NECTIN3: variants seen among roughly 807,000 people sequenced by gnomAD.
The protein encoded by NECTIN3 is nectin-3.
Under a neutral mutation model 49.4 loss-of-function variants are expected in NECTIN3, and 8 were observed. The observed-to-expected ratio is 0.16, with a 90% CI of 0.10 to 0.29. The LOEUF (loss-of-function observed/expected upper bound fraction) is 0.29. Among genes scored for constraint, NECTIN3 ranks in the 10% least tolerant of loss-of-function variants. The pLI, the probability that NECTIN3 is intolerant of heterozygous loss-of-function variation, is 1.00. For synonymous variants in NECTIN3, 277 were observed against 241.1 expected, an observed-to-expected ratio of 1.15 and a Z score of -1.38; for missense variants, 581 against 654.6, an observed-to-expected ratio of 0.89 and a Z score of 1.23.
At chr3:111,190,277 G>C (rs1172652432), upstream of NECTIN3, among the ~76,000 whole-genome samples, 2 of 152,180 alleles carry the variant, frequency 1.3e-5, no homozygotes, top group Non-Finnish European at 2.9e-5. Flanking sequence ...ACTTTGACAG[G>C]AGGAGTGAAC....
chr3:111,126,228 C>T lies in NECTIN3; in HGVS notation c.962C>T (p.Thr321Ile), dbSNP rs760903476. 1.2e-6 allele frequency: 2 copies of T among 1,608,770 alleles called. No homozygotes were observed. Among genetic ancestry groups the T allele is most frequent in the Non-Finnish European group, 8.5e-7 (1 of 1,178,316 alleles). ...GATGGTTTATTGGCTTCAGACAATA[C>T]TCTTCATTTTGTCCATCCATTGACT... ...WPDGLLASDN[T>I]LHFVHPLTFN... Residue 321 changes from threonine to isoleucine, a missense_variant, in exon 5 of 6, where the codon ACT (threonine) becomes ATT (isoleucine). By Grantham distance (89) the Thr-to-Ile change is moderately conservative. Around this residue, in one of 3 missense-constraint regions of NECTIN3, gnomAD observed 234 missense variants for 340.6 expected, o/e 0.69. Coordinates refer to ENST00000485303, the MANE Select transcript of NECTIN3 (RefSeq NM_015480.3).
chr3:111,071,918 C>T lies in NECTIN3; in HGVS notation c.-100C>T. ...GCGCTAGAGCTGGGAGCTGGGGACG[C>T]GCGCGCCGGACCTTCCACAGCCTCC... On this transcript the variant is annotated 5_prime_UTR_variant, in exon 1 of 6. Coordinates refer to ENST00000485303, the MANE Select transcript of NECTIN3 (RefSeq NM_015480.3). 1.3e-6 allele frequency: 1 copy of T among 782,020 alleles called. No homozygotes were observed. 48.4% of individuals were successfully genotyped at this position (782,020 alleles called of 1,614,324 possible). A position where few individuals can be genotyped will look rare whatever the true frequency, so the allele number is the denominator to read the frequency against.
At chr3:111,158,795 A>T (rs914469787) in intron 7 of NECTIN3, among the ~76,000 whole-genome samples, 14 of 152,326 alleles carry the variant, frequency 9.2e-5, no homozygotes, top group Admixed American at 8.5e-4. Context: ...CACCATTAAG[A>T]AAGCAAAGGC....
chr3:111,178,167 A>G (rs2035564850), intron 7 of NECTIN3, among the ~76,000 whole-genome samples: 1 of 152,218 alleles, frequency 6.6e-6, no homozygotes, highest in African/African-American at 2.4e-5. Flanking sequence ...CATTTTCAAC[A>G]ACTAAGCTGT....
Position 111,164,803 on chromosome 3 carries a change from C to G in NECTIN3, c.1221+17319C>G, listed in dbSNP as rs79204950. Among the ~76,000 whole-genome samples the G allele has an allele frequency of 0.021, 3,219 of 152,204 alleles. 175 individuals carry two copies. The East Asian group carries it at 0.22, about 11-fold the overall frequency. Reference sequence around the variant, plus strand: ...AACTTGATGACATTGGCAAAAATTCCCTGTTTCTAAATAAGGCCACATTCA... The same window carrying G: ...AACTTGATGACATTGGCAAAAATTCGCTGTTTCTAAATAAGGCCACATTCA... On this transcript the variant is annotated intron_variant, in intron 7 of 8. Coordinates refer to the NECTIN3 transcript ENST00000493615.
At chr3:111,139,761 C>A (rs867201041), downstream of NECTIN3, among the ~76,000 whole-genome samples, 7 of 151,764 alleles carry the variant, frequency 4.6e-5, no homozygotes, top group South Asian at 1.2e-3. Flanking sequence ...TTTAAGTGTA[C>A]CTCCCAGTTC....
At chr3:111,151,890 T>C (rs961430067) in intron 7 of NECTIN3, among the ~76,000 whole-genome samples, 2 of 151,804 alleles carry the variant, frequency 1.3e-5, no homozygotes, top group African/African-American at 4.8e-5. Context: ...TACCCCCATC[T>C]ACAGATAACC....
intron 1 of NECTIN3, among the ~76,000 whole-genome samples, chr3:111,105,900 G>T (rs1044212188): frequency 6.6e-6 from 1 of 151,108 alleles, no homozygotes; most frequent in Non-Finnish European, 1.5e-5. Flanking sequence ...GTAAGGTGTC[G>T]TCTCTATTCT....
chr3:111,073,984 T>C (rs2030990356), intron 1 of NECTIN3, among the ~76,000 whole-genome samples: 1 of 150,978 alleles, frequency 6.6e-6, no homozygotes. Flanking sequence ...ACTTAAGCAG[T>C]GTAGGCAAAT....
chr3:111,106,729 G>A (rs2033197146), intron 1 of NECTIN3, among the ~76,000 whole-genome samples: 1 of 152,092 alleles, frequency 6.6e-6, no homozygotes, highest in South Asian at 2.1e-4. Flanking sequence ...TATTTTATTA[G>A]TTGCCTCTAA....
chr3:111,188,767 A>G (rs1013489365), upstream of NECTIN3, among the ~76,000 whole-genome samples: 1 of 152,180 alleles, frequency 6.6e-6, no homozygotes, highest in East Asian at 1.9e-4. Context: ...TACCACATTT[A>G]ATAGGTGATG....
rs968408090 is a variant in NECTIN3, at chr3:111,072,078, T to C, written c.61T>C (p.Ser21Pro). ...TGGAGGCGGCAAAGCACAACTTTCC[T>C]CCGCTTCTCTCCTCGGAGCCGGGCT... ...CPGGGKAQLS[S>P]ASLLGAGLLL... Residue 21 changes from serine to proline, a missense_variant, in exon 1 of 6, where the codon TCC becomes CCC. By Grantham distance (74) the Ser-to-Pro change is moderately conservative. Transcript: ENST00000485303. 7.1e-6 allele frequency: 11 copies of C among 1,549,268 alleles called. No homozygotes were observed. The Admixed American group carries it at 1.8e-4, about 25-fold the overall frequency.
chr3:111,123,420 G>A (rs892593185), intron 4 of NECTIN3, among the ~76,000 whole-genome samples: 2 of 152,078 alleles, frequency 1.3e-5, no homozygotes, highest in South Asian at 2.1e-4. Flanking sequence ...AAAATGCTTA[G>A]TGGATGCTTT....
intron 1 of NECTIN3, among the ~76,000 whole-genome samples, chr3:111,109,649 C>T (rs541183688): frequency 2.6e-4 from 39 of 152,052 alleles, no homozygotes; most frequent in Middle Eastern, 3.4e-3. Flanking sequence ...TGTTGTATAG[C>T]ACATCCTATT....
chr3:111,149,402 T>G (rs1312432970), intron 7 of NECTIN3, among the ~76,000 whole-genome samples: 2 of 151,640 alleles, frequency 1.3e-5, no homozygotes, highest in Admixed American at 1.3e-4. Context: ...ATTGACAACT[T>G]TACAATAATG....
At chr3:111,105,129 TTTTTTTC>T (rs929673762) in intron 1 of NECTIN3, among the ~76,000 whole-genome samples, 7 of 138,748 alleles carry the variant, frequency 5.0e-5, no homozygotes, top group Admixed American at 8.2e-5. Flanking sequence ...TTTCTTTTCT[TTTTTTTC>T]TTTTTTCTTT....
chr3:111,100,067 A>G (rs1296454790), intron 1 of NECTIN3, among the ~76,000 whole-genome samples: 1 of 152,068 alleles, frequency 6.6e-6, no homozygotes, highest in Non-Finnish European at 1.5e-5. Flanking sequence ...TTACTCGTCT[A>G]CAGTTTTAAG....
chr3:111,092,658 A>C (rs772486322), intron 1 of NECTIN3, among the ~76,000 whole-genome samples: 2 of 152,190 alleles, frequency 1.3e-5, no homozygotes, highest in African/African-American at 4.8e-5. Context: ...ATGTCTTCTT[A>C]TTCTAGTGTC....
chr3:111,121,775 T>G (rs949543828), intron 3 of NECTIN3, among the ~76,000 whole-genome samples: 1 of 152,204 alleles, frequency 6.6e-6, no homozygotes, highest in African/African-American at 2.4e-5. Flanking sequence ...AATACTATAA[T>G]GTATTTGCTT....
Sources: gnomAD v4.1 joint callset for allele counts (sites outside exome capture counted in the v4.1 genomes callset) on GRCh38, gnomAD v4.1.1 for gene constraint, gnomAD v4.1.1 regional missense constraint, MANE v1.5 for transcripts, NCBI Gene and HGNC (gene_info 2026-07-23, HGNC 2026-07-21) for gene names.